RTL4: variants seen among roughly 807,000 people sequenced by gnomAD.
RTL4 encodes retrotransposon Gag like 4, also known as retrotransposon Gag-like protein 4.
In RTL4, 4 loss-of-function variants were observed where a neutral mutation model predicts 5.3. The observed-to-expected ratio is 0.75, with a 90% CI of 0.37 to 1.72. The LOEUF (loss-of-function observed/expected upper bound fraction) is 1.72, where lower values mean the gene tolerates loss of function less well. Ranked by LOEUF, RTL4 falls within the 40% of genes most tolerant of loss-of-function variation. The pLI is 0.04. For missense variants in RTL4, 260 were observed against 227.1 expected (o/e 1.14, Z -0.93); for synonymous variants, 98 against 87.3 (o/e 1.12, Z -0.68).
the RTL4 span, among the ~76,000 whole-genome samples, chrX:112,297,297 G>GGT: frequency 9.0e-6 from 1 of 111,150 alleles, no homozygotes; most frequent in African/African-American, 3.3e-5. Context: ...CCTGAAACTG[G>GGT]GTAATTTATA....
chrX:112,156,462 T>A, the RTL4 span, among the ~76,000 whole-genome samples: 7 of 112,134 alleles, frequency 6.2e-5, no homozygotes, highest in East Asian at 2.0e-3. Flanking sequence ...GATACATATC[T>A]CAATGGTGGA....
At chrX:112,327,256 G>GA in the RTL4 span, among the ~76,000 whole-genome samples, 1 of 111,456 alleles carries the variant, frequency 9.0e-6, no homozygotes. Context: ...TGAAAACTTT[G>GA]AAAAAAATTT....
At chrX:112,423,966 C>G in the RTL4 span, among the ~76,000 whole-genome samples, 1 of 111,053 alleles carries the variant, frequency 9.0e-6, no homozygotes, top group Non-Finnish European at 1.9e-5. Context: ...CATGTTTTCT[C>G]TCTCTGCCAG....
the RTL4 span, among the ~76,000 whole-genome samples, chrX:112,135,729 G>A: frequency 5.5e-5 from 6 of 109,949 alleles, no homozygotes; most frequent in East Asian, 8.5e-4. Flanking sequence ...TTTTGCATAT[G>A]CATATCCAAG....
At chrX:112,419,031 GATATATATAT>G in the RTL4 span, among the ~76,000 whole-genome samples, 1 of 89,666 alleles carries the variant, frequency 1.1e-5, no homozygotes, top group Non-Finnish European at 2.2e-5. Context: ...TTTCACATAA[GATATATATAT>G]ATATATATAT....
chrX:112,193,976 C>T, the RTL4 span, among the ~76,000 whole-genome samples: 2 of 111,226 alleles, frequency 1.8e-5, no homozygotes, highest in Non-Finnish European at 3.8e-5. Context: ...TAATCAGTCC[C>T]CTATGGCTGG....
At chrX:112,419,595 T>A in the RTL4 span, among the ~76,000 whole-genome samples, 1,670 of 27,203 alleles carry the variant, frequency 0.061, 210 homozygotes, top group African/African-American at 0.08. Context: ...ATATATATAT[T>A]TTTACATATG....
chrX:112,210,440 GC>G, the RTL4 span, among the ~76,000 whole-genome samples: 1 of 112,097 alleles, frequency 8.9e-6, no homozygotes, highest in Non-Finnish European at 1.9e-5. Context: ...AAAACACATG[GC>G]ATAGTGCCAT....
the RTL4 span, among the ~76,000 whole-genome samples, chrX:112,353,299 GA>G: frequency 5.4e-5 from 6 of 111,142 alleles, no homozygotes; most frequent in Non-Finnish European, 1.1e-4. Context: ...TCTAGAACTA[GA>G]AATACCGTTC....
the RTL4 span, among the ~76,000 whole-genome samples, chrX:112,089,095 CT>C: frequency 2.5e-3 from 279 of 110,352 alleles, no homozygotes; most frequent in African/African-American, 8.8e-3. Flanking sequence ...ATCTGTTTTT[CT>C]TTTTTTTATT....
At chrX:112,321,644 C>T in the RTL4 span, among the ~76,000 whole-genome samples, 2 of 111,235 alleles carry the variant, frequency 1.8e-5, no homozygotes, top group African/African-American at 6.5e-5. Flanking sequence ...CCTACAAAGA[C>T]AGACGTATTG....
At chrX:112,315,804 T>G in the RTL4 span, among the ~76,000 whole-genome samples, 1 of 111,963 alleles carries the variant, frequency 8.9e-6, no homozygotes, top group Non-Finnish European at 1.9e-5. Context: ...CACTCCAGCA[T>G]GTACATCTGC....
the RTL4 span, among the ~76,000 whole-genome samples, chrX:112,328,232 A>T: frequency 6.3e-5 from 7 of 110,681 alleles, no homozygotes; most frequent in African/African-American, 1.6e-4. Context: ...AAGAGTCAAG[A>T]CCCATCAGTG....
chrX:112,305,554 G>A, the RTL4 span, among the ~76,000 whole-genome samples: 2 of 109,561 alleles, frequency 1.8e-5, no homozygotes, highest in East Asian at 5.7e-4. Context: ...AGTAGAGATG[G>A]GGTTTCACCA....
chrX:112,187,053 C>T, the RTL4 span, among the ~76,000 whole-genome samples: 1 of 111,790 alleles, frequency 8.9e-6, no homozygotes, highest in East Asian at 2.8e-4. Flanking sequence ...TAGGGAGTGT[C>T]ATCTCTTACA....
the RTL4 span, among the ~76,000 whole-genome samples, chrX:112,309,711 C>G: frequency 4.6e-5 from 5 of 108,460 alleles, no homozygotes; most frequent in African/African-American, 1.7e-4. Context: ...GAACTCCTGA[C>G]CTCAAGCGAT....
the RTL4 span, among the ~76,000 whole-genome samples, chrX:112,310,185 G>A: frequency 4.0e-5 from 4 of 99,808 alleles, no homozygotes; most frequent in Non-Finnish European, 8.0e-5. Context: ...TGGGGCTTTG[G>A]GGTGGCAGTT....
At chrX:112,431,908 G>T in the RTL4 span, among the ~76,000 whole-genome samples, 3,231 of 79,035 alleles carry the variant, frequency 0.041, 86 homozygotes, top group Middle Eastern at 0.098. Context: ...AGTCCCCAGA[G>T]TGTGATGTTC....
chrX:112,084,269 C>A, the RTL4 span, among the ~76,000 whole-genome samples: 2 of 111,185 alleles, frequency 1.8e-5, no homozygotes, highest in East Asian at 5.7e-4. Context: ...CCAAGCAAGA[C>A]AAATTTTCCC....
Sources: gnomAD v4.1 joint callset for allele counts (sites outside exome capture counted in the v4.1 genomes callset) on GRCh38, gnomAD v4.1.1 for gene constraint, MANE v1.5 for transcripts, NCBI Gene and HGNC (gene_info 2026-07-23, HGNC 2026-07-21) for gene names.